The following CCDC14 variants were observed in gnomAD, a reference collection of about 807,000 sequenced individuals.
CCDC14 encodes coiled-coil domain containing 14.
CCDC14 carries 71 observed loss-of-function variants against 81.4 expected under a neutral mutation model. The observed-to-expected ratio is 0.87, with a 90% confidence interval of 0.72 to 1.06. The LOEUF (loss-of-function observed/expected upper bound fraction) is 1.06. Among genes scored for constraint, CCDC14 ranks in the 50% least tolerant of loss-of-function variants. The pLI, the probability that CCDC14 is intolerant of heterozygous loss-of-function variation, is 0.00. For missense variants in CCDC14, 1,046 were observed against 1,047.3 expected (o/e 1.00, Z 0.02); for synonymous variants, 332 against 364.8 (o/e 0.91, Z 1.03).
rs375437364 is a variant in CCDC14 at position 123,947,054 on chromosome 3, G to A, written c.950C>T (p.Thr317Met). The change falls in exon 8 of 13, where the codon ACG becomes ATG. Residue 317 changes from threonine (T) to methionine (M), a missense_variant. By Grantham distance (81) the Thr-to-Met change is moderately conservative. Coordinates refer to ENST00000409697, the MANE Select transcript of CCDC14 (RefSeq NM_001366335.1). ...LSLFRSHGKE[T>M]HLDSQTHRSP... ...TCGGTGTGTCTGACTGTCCAGATGC[G>A]TTTCTTTTCCATGAGATCGAAAAAG... 9 of 1,613,788 alleles carry A rather than the reference G, an allele frequency of 5.6e-6. No individual in the cohort carries two copies. Among genetic ancestry groups the A allele is most frequent in the Non-Finnish European group, 7.6e-6 (9 of 1,179,880 alleles).
At chr3:123,952,347 T>C (rs1157499282) in intron 5 of CCDC14, among the ~76,000 whole-genome samples, 1 of 152,160 alleles carries the variant, frequency 6.6e-6, no homozygotes, top group African/African-American at 2.4e-5. Context: ...CTGGCCTTTA[T>C]GAGTGGCAAT....
intron 5 of CCDC14, among the ~76,000 whole-genome samples, chr3:123,906,504 T>G (rs1349778113): frequency 6.7e-6 from 1 of 148,824 alleles, no homozygotes; most frequent in Admixed American, 6.7e-5. Context: ...AAGAAAGTAG[T>G]AGGAGGAAAT....
At chr3:123,930,512 T>C (rs1416085911) in intron 12 of CCDC14, among the ~76,000 whole-genome samples, 1 of 152,204 alleles carries the variant, frequency 6.6e-6, no homozygotes, top group African/African-American at 2.4e-5. Context: ...GTGAATATCA[T>C]AGAAAAATTG....
intron 12 of CCDC14, among the ~76,000 whole-genome samples, chr3:123,921,984 A>G (rs1297648016): frequency 6.6e-6 from 1 of 152,218 alleles, no homozygotes; most frequent in Non-Finnish European, 1.5e-5. Flanking sequence ...GTTAGACCAC[A>G]AAATAAGTCT....
intron 12 of CCDC14, among the ~76,000 whole-genome samples, chr3:123,926,250 C>T (rs1052501025): frequency 2.6e-5 from 4 of 151,912 alleles, no homozygotes; most frequent in African/African-American, 9.7e-5. Flanking sequence ...TCACCATTGT[C>T]TCTGAAATTA....
chr3:123,941,297 T>C (rs1012405048), intron 9 of CCDC14, among the ~76,000 whole-genome samples: 2 of 151,972 alleles, frequency 1.3e-5, no homozygotes, highest in East Asian at 3.9e-4. Context: ...CTAGCCTAAA[T>C]GCCAAAAATG....
chr3:123,915,019 T>C lies in CCDC14; in HGVS notation c.2478A>G (p.Pro826=), dbSNP rs763545142. 6 of 1,614,050 alleles carry C rather than the reference T, an allele frequency of 3.7e-6. No individual in the cohort carries two copies. Among genetic ancestry groups the C allele is most frequent in the Non-Finnish European group, 5.1e-6 (6 of 1,179,896 alleles). ...IGKIPAATKE[P]EEQTACHGPS... ...GGCCATGACATGCAGTTTGTTCCTCTGGCTCCTTGGTGGCAGCAGGGATCT... is the reference window on the plus strand; with the variant it reads ...GGCCATGACATGCAGTTTGTTCCTCCGGCTCCTTGGTGGCAGCAGGGATCT... The change falls in exon 13 of 13, where the codon CCA becomes CCG. Residue 826 remains proline (P), a synonymous_variant. Transcript: ENST00000409697.
In CCDC14 at chr3:123,944,878, T is replaced by C. The variant is rs1186436138; in HGVS notation, c.1314A>G (p.Pro438=). 1.9e-6 allele frequency: 3 copies of C among 1,611,754 alleles called. No individual in the cohort carries two copies. The highest frequency in any genetic ancestry group is 1.7e-6 in the Non-Finnish European group (2 of 1,178,456). ...GTAACTGAGCATTCTCACTTCTTAA[T>C]GGTTGCATGGCCAGTGCTATCTCAA... ...IQVEIALAMQ[P]LRSENAQLRR... Residue 438 remains proline (P), a synonymous_variant, in exon 9 of 13, where the codon CCA becomes CCG. Transcript: ENST00000409697.
chr3:123,895,607 C>A (rs537522364), downstream of CCDC14, among the ~76,000 whole-genome samples: 1 of 152,276 alleles, frequency 6.6e-6, no homozygotes, highest in East Asian at 1.9e-4. Flanking sequence ...TAGGATGAAG[C>A]CTGGGGAATA....
intron 9 of CCDC14, among the ~76,000 whole-genome samples, chr3:123,938,121 T>G (rs931042293): frequency 6.6e-6 from 1 of 151,836 alleles, no homozygotes; most frequent in Admixed American, 6.6e-5. Context: ...TTTAGAGTCT[T>G]CAAATTTCCA....
At chr3:123,905,304 G>C (rs2034283482) in intron 5 of CCDC14, among the ~76,000 whole-genome samples, 1 of 152,152 alleles carries the variant, frequency 6.6e-6, no homozygotes, top group Non-Finnish European at 1.5e-5. Flanking sequence ...TGGGCTGGGG[G>C]ACATCATTCT....
chr3:123,897,711 T>C, intron 5 of CCDC14: 2 of 517,200 alleles, frequency 3.9e-6, no homozygotes, highest in Non-Finnish European at 5.3e-6. Context: ...TATTCTACTT[T>C]TATAAACCTA....
At chr3:123,891,476 C>T in the CCDC14 span, among the ~76,000 whole-genome samples, 1 of 152,162 alleles carries the variant, frequency 6.6e-6, no homozygotes, top group Non-Finnish European at 1.5e-5. Context: ...ATTTCTTCTG[C>T]CAGATACCCT....
rs1230136523 is a variant in CCDC14 at position 123,926,557 on chromosome 3, TAAATATTATTTAAATTAATATTTA to T, written c.1778+4521_1778+4544del. Among the ~76,000 whole-genome samples, 504 of 147,518 alleles carry T rather than the reference TAAATATTATTTAAATTAATATTTA, an allele frequency of 3.4e-3. 6 individuals carry two copies. The highest frequency in any genetic ancestry group is 0.029 in the Admixed American group (428 of 14,754). ...TATTTAATTTATATATTTTTAAATATAAATATTATTTAAATTAATATTTAAAATATTATTTAAATTAATATTTAA... is the reference window on the plus strand; with the variant it reads ...TATTTAATTTATATATTTTTAAATATAAATATTATTTAAATTAATATTTAA... On this transcript the variant is annotated intron_variant, in intron 12 of 12. Transcript: ENST00000409697.
chr3:123,929,454 G>A (rs1449811464), intron 12 of CCDC14, among the ~76,000 whole-genome samples: 1 of 151,730 alleles, frequency 6.6e-6, no homozygotes, highest in Non-Finnish European at 1.5e-5. Context: ...AGGCATGCAC[G>A]ACCACGCACA....
chr3:123,916,242 G>GC (rs1211628324), intron 12 of CCDC14, among the ~76,000 whole-genome samples: 1 of 151,736 alleles, frequency 6.6e-6, no homozygotes, highest in Non-Finnish European at 1.5e-5. Flanking sequence ...CAAGTGATCT[G>GC]CCCGCCTCAG....
At chr3:123,898,697 T>C (rs6438816) in intron 5 of CCDC14, among the ~76,000 whole-genome samples, 21,332 of 152,082 alleles carry the variant, frequency 0.14, 2,642 homozygotes, top group East Asian at 0.36. Context: ...GTACGTTTTC[T>C]TTTTCTTTGA....
chr3:123,927,287 T>C (rs921359196), intron 12 of CCDC14, among the ~76,000 whole-genome samples: 4 of 150,010 alleles, frequency 2.7e-5, no homozygotes, highest in South Asian at 4.2e-4. Flanking sequence ...CACAGTGGCA[T>C]GTGCCTGTGG....
At chr3:123,908,076 G>C (rs573136096) in intron 5 of CCDC14, among the ~76,000 whole-genome samples, 2 of 151,920 alleles carry the variant, frequency 1.3e-5, no homozygotes, top group African/African-American at 4.8e-5. Flanking sequence ...GACACTCTTC[G>C]AAATTAAAAT....
Sources: gnomAD v4.1 joint callset for allele counts (sites outside exome capture counted in the v4.1 genomes callset) on GRCh38, gnomAD v4.1.1 for gene constraint, MANE v1.5 for transcripts, NCBI Gene and HGNC (gene_info 2026-07-23, HGNC 2026-07-21) for gene names.